The following DNAJC6 variants were observed in gnomAD, a reference collection of about 807,000 sequenced individuals.
DNAJC6 encodes the protein auxilin.
A neutral mutation model predicts 110.0 loss-of-function variants in DNAJC6; 34 were observed. That is an observed-to-expected ratio of 0.31 (90% confidence interval 0.24 to 0.41). The LOEUF (loss-of-function observed/expected upper bound fraction) is 0.41. DNAJC6 is among the 10% of genes least tolerant of loss of function. The pLI is 1.00. For synonymous variants in DNAJC6, 406 were observed against 437.2 expected (o/e 0.93, Z 0.89); for missense variants, 1,031 against 1,207.8 (o/e 0.85, Z 2.17).
chr1:65,359,730 TG>T (rs1645580308), intron 1 of DNAJC6, among the ~76,000 whole-genome samples: 1 of 152,232 alleles, frequency 6.6e-6, no homozygotes, highest in African/African-American at 2.4e-5. Flanking sequence ...AAACTTTTTC[TG>T]TAAAGGGCCA....
chr1:65,346,413 A>G (rs933974343), intron 1 of DNAJC6, among the ~76,000 whole-genome samples: 2 of 151,892 alleles, frequency 1.3e-5, no homozygotes, highest in African/African-American at 4.8e-5. Flanking sequence ...TCCATATCTC[A>G]GTGTGAGAGA....
intron 1 of DNAJC6, among the ~76,000 whole-genome samples, chr1:65,346,970 A>G (rs535770936): frequency 6.6e-4 from 100 of 152,178 alleles, no homozygotes; most frequent in African/African-American, 2.3e-3. Flanking sequence ...TAAGCTCCTC[A>G]GAATGCTTAT....
At chr1:65,391,926 C>T (rs764247480) in intron 11 of DNAJC6, among the ~76,000 whole-genome samples, 6 of 152,250 alleles carry the variant, frequency 3.9e-5, no homozygotes, top group East Asian at 3.9e-4. Context: ...TACAGGCACA[C>T]GCCACCATGT....
chr1:65,390,156 C>G (rs984899105), intron 11 of DNAJC6, among the ~76,000 whole-genome samples: 1 of 152,186 alleles, frequency 6.6e-6, no homozygotes, highest in Admixed American at 6.5e-5. Context: ...TCTCCCTTCT[C>G]TCTGCTGTGT....
chr1:65,397,274 C>CCCACCTGCAA (rs574362601), intron 13 of DNAJC6, among the ~76,000 whole-genome samples: 27,158 of 151,926 alleles, frequency 0.18, 5,398 homozygotes, highest in East Asian at 0.58. Flanking sequence ...GGAGGTCAGA[C>CCCACCTGCAA]ATCCTCAGGG....
chr1:65,290,246 T>TTG (rs1430154817), intron 1 of DNAJC6, among the ~76,000 whole-genome samples: 3 of 152,236 alleles, frequency 2.0e-5, no homozygotes, highest in Admixed American at 6.5e-5. Context: ...GTAGATTTTC[T>TTG]TAGAGATTTA....
intron 3 of DNAJC6, 30 bp from the exon 4 acceptor site, chr1:65,366,016 CCT>C: frequency 6.2e-7 from 1 of 1,613,286 alleles, no homozygotes; most frequent in Non-Finnish European, 8.5e-7. Flanking sequence ...AAACATTTAA[CCT>C]GTTTTCTTTC....
intron 1 of DNAJC6, among the ~76,000 whole-genome samples, chr1:65,303,923 C>T (rs1645013799): frequency 6.6e-6 from 1 of 152,090 alleles, no homozygotes; most frequent in Non-Finnish European, 1.5e-5. Flanking sequence ...CCTAAATGTC[C>T]TTCAGCTTTC....
At chr1:65,334,426 G>A (rs1229871355) in intron 1 of DNAJC6, among the ~76,000 whole-genome samples, 1 of 152,250 alleles carries the variant, frequency 6.6e-6, no homozygotes, top group Admixed American at 6.5e-5. Context: ...GAGAGCACGG[G>A]CTGTTGGGAG....
chr1:65,356,512 C>T lies in DNAJC6; in HGVS notation c.194-8123C>T, dbSNP rs181342923. ...CCAGGAGGTGGAGGTTGCAGTGAGCCGAGACTGCACCACTGCACTGCAGCC... is the reference window on the plus strand; with the variant it reads ...CCAGGAGGTGGAGGTTGCAGTGAGCTGAGACTGCACCACTGCACTGCAGCC... On this transcript the variant is annotated intron_variant, in intron 1 of 18. Coordinates refer to ENST00000371069, the MANE Select transcript of DNAJC6 (RefSeq NM_001256864.2). 4.8e-3 allele frequency among the ~76,000 whole-genome samples: 720 copies of T among 150,980 alleles called. 8 individuals are homozygous for T. Among genetic ancestry groups the T allele is most frequent in the African/African-American group, 0.013 (523 of 41,046 alleles).
At chr1:65,310,031 G>T (rs1173321049) in intron 1 of DNAJC6, 93 bp downstream of exon 1, 16 of 1,351,910 alleles carry the variant, frequency 1.2e-5, no homozygotes, top group Non-Finnish European at 1.4e-5. Flanking sequence ...TGGTCCCCCA[G>T]CCCCGGTTTG....
intron 1 of DNAJC6, among the ~76,000 whole-genome samples, chr1:65,351,795 C>T (rs77825293): frequency 0.055 from 8,358 of 152,054 alleles, 553 homozygotes; most frequent in East Asian, 0.3. Flanking sequence ...GATGGAGTTT[C>T]GCTCTTGTTG....
intron 1 of DNAJC6, among the ~76,000 whole-genome samples, chr1:65,281,767 C>G (rs1034144102): frequency 3.3e-5 from 5 of 152,086 alleles, no homozygotes; most frequent in African/African-American, 4.8e-5. Context: ...AGCCACCACG[C>G]CTGGCTAATT....
intron 1 of DNAJC6, among the ~76,000 whole-genome samples, chr1:65,360,858 T>C (rs1645590458): frequency 6.6e-6 from 1 of 152,122 alleles, no homozygotes; most frequent in South Asian, 2.1e-4. Context: ...TGCAGTGATT[T>C]ATGAGGGTGC....
intron 1 of DNAJC6, among the ~76,000 whole-genome samples, chr1:65,269,300 G>A (rs1165038626): frequency 1.3e-5 from 2 of 151,834 alleles, no homozygotes; most frequent in Non-Finnish European, 2.9e-5. Flanking sequence ...CCTGGGAGGC[G>A]GAGGTTTCAG....
chr1:65,359,680 A>G (rs1327541666), intron 1 of DNAJC6, among the ~76,000 whole-genome samples: 1 of 152,202 alleles, frequency 6.6e-6, no homozygotes, highest in Non-Finnish European at 1.5e-5. Context: ...TGCATTCCTA[A>G]GAACACAAGT....
intron 1 of DNAJC6, among the ~76,000 whole-genome samples, chr1:65,316,409 A>G (rs1239312932): frequency 6.6e-6 from 1 of 152,190 alleles, no homozygotes; most frequent in Non-Finnish European, 1.5e-5. Context: ...GTCATTCTCC[A>G]TGCTCCTCAG....
intron 1 of DNAJC6, among the ~76,000 whole-genome samples, chr1:65,348,452 T>C (rs1224264272): frequency 6.6e-6 from 1 of 152,206 alleles, no homozygotes. Context: ...TCATTTTTGC[T>C]TCATATACTT....
intron 1 of DNAJC6, among the ~76,000 whole-genome samples, chr1:65,273,092 C>T (rs975057269): frequency 1.3e-5 from 2 of 152,102 alleles, no homozygotes; most frequent in Admixed American, 1.3e-4. Flanking sequence ...AGGTCTTATA[C>T]ATTTGAGTAG....
Sources: allele counts gnomAD v4.1 joint callset (sites outside exome capture counted in the v4.1 genomes callset), GRCh38; gene constraint gnomAD v4.1.1; transcripts MANE v1.5; gene names NCBI Gene and HGNC (gene_info 2026-07-23, HGNC 2026-07-21).